SDF4: variants seen among roughly 807,000 people sequenced by gnomAD.
The protein encoded by SDF4 is stromal cell derived factor 4.
In SDF4, 22 loss-of-function variants were observed where a neutral mutation model predicts 34.2. The ratio of observed to expected loss-of-function variants is 0.64; its 90% CI spans 0.46 to 0.92. SDF4 has a LOEUF of 0.92. Ranked by LOEUF, SDF4 falls within the 40% of genes least tolerant of loss-of-function variation. The pLI, the probability that SDF4 is intolerant of heterozygous loss-of-function variation, is 0.00. For synonymous variants in SDF4, 236 were observed against 203.1 expected (o/e 1.16, Z -1.38); for missense variants, 447 against 499.9 (o/e 0.89, Z 1.01).
intron 4 of SDF4, chr1:1,221,256 A>C (rs761428040): frequency 3.1e-5 from 5 of 163,688 alleles, no homozygotes; most frequent in Non-Finnish European, 6.6e-5. Context: ...CTGCAACCCC[A>C]GGATGGGGAG....
At chr1:1,231,447 C>T (rs1433295228) in intron 1 of SDF4, among the ~76,000 whole-genome samples, 4 of 152,266 alleles carry the variant, frequency 2.6e-5, no homozygotes, top group Non-Finnish European at 5.9e-5. Context: ...ATAACACCGC[C>T]TCTGAGCCAG....
In SDF4 at chr1:1,223,922, G is replaced by T; in HGVS notation, c.352C>A (p.Arg118Ser). The change falls in exon 3 of 7, where the codon CGC (arginine) becomes AGC (serine). Residue 118 changes from arginine to serine, a missense_variant. By Grantham distance (110) the Arg-to-Ser change is moderately radical. Transcript: ENST00000360001. ...DRKISAKEMQ[R>S]WIMEKTAEHF... ...TCGGCCGTCTTCTCCATGATCCAGC[G>T]CTGCATCTCCTTGGCACTGATCTTC... The T allele has an allele frequency of 6.2e-7, 1 of 1,611,438 alleles. No individual in the cohort carries two copies. The highest frequency in any genetic ancestry group is 8.5e-7 in the Non-Finnish European group (1 of 1,179,804).
At chr1:1,220,484 C>T (rs1167749063) in intron 4 of SDF4, 1 of 1,196,756 alleles carries the variant, frequency 8.4e-7, no homozygotes, top group Non-Finnish European at 1.1e-6. Flanking sequence ...GGCCCCTCCT[C>T]CAGGACCCGG....
At chr1:1,228,420 C>T (rs746586556) in intron 2 of SDF4, 48 bp downstream of exon 2, 9 of 1,528,876 alleles carry the variant, frequency 5.9e-6, no homozygotes, top group African/African-American at 4.1e-5. Context: ...AACACACAGG[C>T]GAGCGCACGC....
intron 4 of SDF4, chr1:1,219,771 G>C: frequency 2.0e-6 from 2 of 985,896 alleles, no homozygotes; most frequent in South Asian, 4.7e-5. Context: ...ACTGCAGTCA[G>C]TGGCCAAGTC....
rs777929341 is a variant in SDF4, at chr1:1,217,746, A to G, written c.892-58T>C. The G allele has an allele frequency of 7.5e-6, 12 of 1,608,340 alleles. No individual in the cohort carries two copies. The South Asian group carries it at 1.3e-4, about 18-fold the overall frequency. ...CTTTCCCCCTCCGAGCTCCGCGGCC[A>G]GCCGCACGAAGTGGCTATTTAAGGT... On this transcript the variant is annotated intron_variant, in intron 6 of 6. Transcript: ENST00000360001. This position sits in a 1 kb window ranked among gnomAD's most constrained non-coding sequence, Gnocchi z 8.5.
Position 1,219,607 on chromosome 1 carries a change from A to T in SDF4, c.557-680T>A, listed in dbSNP as rs563342625. The T allele has an allele frequency of 1.2e-4, 115 of 987,182 alleles. 1 individual carries two copies. In the African/African-American group the frequency reaches 1.9e-3, roughly 17 times the overall value. The allele number at this position is 987,182 out of a possible 1,614,324, so 61.2% of individuals were successfully genotyped here. A position where few individuals can be genotyped will look rare whatever the true frequency, so the allele number is the denominator to read the frequency against. On this transcript the variant is annotated intron_variant, in intron 4 of 6. Coordinates refer to ENST00000360001, the MANE Select transcript of SDF4 (RefSeq NM_016176.6). The stretch of plus-strand genomic sequence containing the variant: ...TCCCAGGAACCCTCCCAGCCGGGAC[A>T]CGGCACTGCCTCTGGGTGTGTGGCC...
intron 4 of SDF4, chr1:1,219,837 C>T (rs1024544231): frequency 3.9e-5 from 38 of 985,710 alleles, no homozygotes; most frequent in East Asian, 1.1e-4. Context: ...CTGCCCTGGC[C>T]GAAGCCCCTG....
At chr1:1,219,013 C>G in intron 4 of SDF4, 86 bp from the exon 5 acceptor site, 1 of 1,611,264 alleles carries the variant, frequency 6.2e-7, no homozygotes, top group Non-Finnish European at 8.5e-7. Context: ...TGCCTGAACT[C>G]GAGGGACACA....
At chr1:1,221,389 T>C (rs1309173621) in intron 4 of SDF4, 2 of 153,078 alleles carry the variant, frequency 1.3e-5, no homozygotes, top group Non-Finnish European at 2.9e-5. Flanking sequence ...GGAGACCTTG[T>C]GTCTACAAAA....
intron 1 of SDF4, among the ~76,000 whole-genome samples, chr1:1,230,972 C>G (rs1570495193): frequency 6.6e-6 from 1 of 152,298 alleles, no homozygotes; most frequent in South Asian, 2.1e-4. Context: ...GTTCTTGATT[C>G]TACATATCTT....
At position 1,228,721 on chromosome 1, in the gene SDF4, G is replaced by A. The variant is rs906621363; in HGVS notation, c.52C>T (p.Leu18Phe). ...TCCATCAGAAGGACTGCCCCCAGGA[G>A]CCAGAGGCAGCACGGAGCCAGGCCA... The part of the protein sequence containing the change: ...LIGLAPCCLW[L>F]LGAVLLMDAS... Residue 18 changes from leucine (L) to phenylalanine (F), a missense_variant, in exon 2 of 7, where the codon CTC (leucine) becomes TTC (phenylalanine). Coordinates refer to ENST00000360001, the MANE Select transcript of SDF4 (RefSeq NM_016176.6). 3 of 1,612,712 alleles carry A rather than the reference G, an allele frequency of 1.9e-6. No homozygotes were observed. The highest frequency in any genetic ancestry group is 4.5e-5 in the East Asian group (2 of 44,896).
At chr1:1,225,443 G>A (rs1027992173) in intron 2 of SDF4, among the ~76,000 whole-genome samples, 4 of 152,216 alleles carry the variant, frequency 2.6e-5, no homozygotes, top group Non-Finnish European at 5.9e-5. Context: ...CACACCGCAG[G>A]CACGGCTCAG....
At chr1:1,230,146 C>A (rs1638447432) in intron 1 of SDF4, among the ~76,000 whole-genome samples, 1 of 152,240 alleles carries the variant, frequency 6.6e-6, no homozygotes, top group Non-Finnish European at 1.5e-5. Flanking sequence ...ACCTGCGGGT[C>A]CTTTCGGGTG....
rs76053780 is a variant in SDF4 at position 1,217,351 on chromosome 1, G to A, written c.*161C>T. On this transcript the variant is annotated 3_prime_UTR_variant, in exon 7 of 7. Coordinates refer to ENST00000360001, the MANE Select transcript of SDF4 (RefSeq NM_016176.6). The surrounding 1 kb of genome is among the most constrained non-coding windows in gnomAD (Gnocchi z 8.5). ...CCAAAGCCCCGCCGGGGTGCGCGCT[G>A]CAGAGGGGACACGCCGCTCATCAAC... 0.043 allele frequency: 21,090 copies of A among 490,594 alleles called. 615 individuals are homozygous for A. The highest frequency in any genetic ancestry group is 0.092 in the South Asian group (1,769 of 19,260). The allele number at this position is 490,594 out of a possible 1,614,324, so 30.4% of individuals were successfully genotyped here.
chr1:1,223,486 C>G lies in SDF4; in HGVS notation c.443-129G>C, dbSNP rs957513525. 5 of 730,486 alleles carry G rather than the reference C, an allele frequency of 6.8e-6. No homozygotes were observed. The Admixed American group carries it at 1.4e-4, about 20-fold the overall frequency. 45.3% of individuals were successfully genotyped at this position (730,486 alleles called of 1,614,324 possible). On this transcript the variant is annotated intron_variant, in intron 3 of 6. Transcript: ENST00000360001. ...ATGCCAGCGTCTGGAGCCCCAGGGC[C>G]CCGGCCAGCACCCCACACCCGTTTC...
At chr1:1,227,408 G>A (rs1405425236) in intron 2 of SDF4, 3 of 119,528 alleles carry the variant, frequency 2.5e-5, no homozygotes, top group Non-Finnish European at 5.4e-5. Context: ...GGCCAGGCCC[G>A]GCGGGAAGGC....
At position 1,228,954 on chromosome 1, in the gene SDF4, G is replaced by C. The variant is rs1638402751; in HGVS notation, c.-174-8C>G. 5.0e-6 allele frequency: 3 copies of C among 604,536 alleles called. No homozygotes were observed. The highest frequency in any genetic ancestry group is 8.8e-6 in the Non-Finnish European group (3 of 341,468). The allele number at this position is 604,536 out of a possible 1,614,324, so 37.4% of individuals were successfully genotyped here. Reference sequence around the variant, plus strand: ...GGACAAGCAGCTCACAGTCTGCAGAGAGACACAGACACATCATTAGCAAGA... The same window carrying C: ...GGACAAGCAGCTCACAGTCTGCAGACAGACACAGACACATCATTAGCAAGA... On this transcript the variant is annotated splice_polypyrimidine_tract_variant and splice_region_variant and intron_variant, in intron 1 of 6. Transcript: ENST00000360001.
intron 4 of SDF4, chr1:1,221,501 CT>C (rs1649958147): frequency 6.6e-6 from 1 of 152,228 alleles, no homozygotes; most frequent in African/African-American, 2.4e-5. Context: ...TGGGCCGTTC[CT>C]GGCAGGAACG....
Sources: gnomAD v4.1 joint callset for allele counts (sites outside exome capture counted in the v4.1 genomes callset) on GRCh38, gnomAD v4.1.1 for gene constraint, Gnocchi (gnomAD v3.1) non-coding constraint, MANE v1.5 for transcripts, NCBI Gene and HGNC (gene_info 2026-07-23, HGNC 2026-07-21) for gene names.